The following SH3GL3 variants were observed in gnomAD, a reference collection of about 807,000 sequenced individuals.
The protein encoded by SH3GL3 is endophilin-A3.
A neutral mutation model predicts 47.7 loss-of-function variants in SH3GL3; 33 were observed. The observed-to-expected ratio is 0.69, with a 90% CI of 0.52 to 0.92. SH3GL3 has a LOEUF of 0.92. Among genes scored for constraint, SH3GL3 ranks in the 40% least tolerant of loss-of-function variants. The probability of loss-of-function intolerance (pLI) is 0.00; values close to 1 mark genes in which losing one functional copy is unlikely to be tolerated. For synonymous variants in SH3GL3, 155 were observed against 148.8 expected, an observed-to-expected ratio of 1.04 and a Z score of -0.30; for missense variants, 363 against 417.8, an observed-to-expected ratio of 0.87 and a Z score of 1.14.
At chr15:83,581,234 A>C (rs1254866917) in intron 6 of SH3GL3, among the ~76,000 whole-genome samples, 1 of 152,190 alleles carries the variant, frequency 6.6e-6, no homozygotes, top group Non-Finnish European at 1.5e-5. Flanking sequence ...CAGATGTAGT[A>C]CTTCCTAGGG....
chr15:83,561,045 C>T (rs1361282978), intron 2 of SH3GL3, among the ~76,000 whole-genome samples: 3 of 152,060 alleles, frequency 2.0e-5, no homozygotes, highest in Non-Finnish European at 1.5e-5. Flanking sequence ...AAGTAGACTT[C>T]ACATACCTCT....
chr15:83,552,311 A>G (rs1381600263), intron 1 of SH3GL3, among the ~76,000 whole-genome samples: 2 of 152,254 alleles, frequency 1.3e-5, no homozygotes, highest in African/African-American at 2.4e-5. Flanking sequence ...TTTTGAATAC[A>G]GCTTTAGCTG....
At chr15:83,550,682 G>A (rs1228550535) in intron 1 of SH3GL3, among the ~76,000 whole-genome samples, 1 of 152,154 alleles carries the variant, frequency 6.6e-6, no homozygotes, top group Non-Finnish European at 1.5e-5. Context: ...GAGCCACTGT[G>A]CCCGGCCCTC....
At chr15:83,591,924 T>C (rs1429743954) in intron 8 of SH3GL3, among the ~76,000 whole-genome samples, 13 of 151,750 alleles carry the variant, frequency 8.6e-5, no homozygotes, top group East Asian at 2.0e-4. Flanking sequence ...CCGCCCGCCT[T>C]GGCCTCCCAA....
At chr15:83,489,977 C>T (rs1294724096) in intron 1 of SH3GL3, among the ~76,000 whole-genome samples, 2 of 151,860 alleles carry the variant, frequency 1.3e-5, no homozygotes, top group Non-Finnish European at 2.9e-5. Flanking sequence ...TTTGATAGAT[C>T]AATAGATAGA....
intron 7 of SH3GL3, among the ~76,000 whole-genome samples, chr15:83,587,524 GTA>G (rs1491093003): frequency 1.7e-5 from 1 of 57,870 alleles, no homozygotes; most frequent in African/African-American, 6.1e-5. Context: ...GTAAATATCT[GTA>G]AAAAAAAAAA....
At chr15:83,601,835 T>A (rs1363832646) in intron 8 of SH3GL3, among the ~76,000 whole-genome samples, 1 of 152,006 alleles carries the variant, frequency 6.6e-6, no homozygotes, top group Non-Finnish European at 1.5e-5. Flanking sequence ...CTGGACTTTT[T>A]TTTTTTTGGT....
At chr15:83,628,453 A>T in the SH3GL3 span, among the ~76,000 whole-genome samples, 1 of 152,200 alleles carries the variant, frequency 6.6e-6, no homozygotes, top group Admixed American at 6.5e-5. Flanking sequence ...ACTATAAAGC[A>T]AGAAATGGGC....
At chr15:83,511,986 T>C (rs780971460) in intron 1 of SH3GL3, among the ~76,000 whole-genome samples, 1 of 152,164 alleles carries the variant, frequency 6.6e-6, no homozygotes, top group Non-Finnish European at 1.5e-5. Flanking sequence ...TCACTCTCCA[T>C]GAGTTTTTGC....
At chr15:83,610,012 A>G (rs1237298394) in intron 8 of SH3GL3, among the ~76,000 whole-genome samples, 1 of 152,242 alleles carries the variant, frequency 6.6e-6, no homozygotes, top group African/African-American at 2.4e-5. Flanking sequence ...AGGCTGAAGA[A>G]GGCAGGACAG....
intron 1 of SH3GL3, among the ~76,000 whole-genome samples, chr15:83,525,964 A>G (rs1487096912): frequency 6.6e-6 from 1 of 152,098 alleles, no homozygotes; most frequent in Non-Finnish European, 1.5e-5. Flanking sequence ...TGATGCTTCT[A>G]GCTTTGTTAT....
Position 83,576,737 on chromosome 15 carries a change from A to G in SH3GL3, c.620A>G (p.Asn207Ser). The change falls in exon 6 of 9, where the codon AAT (asparagine) becomes AGT (serine). Residue 207 changes from asparagine (N) to serine (S), a missense_variant. Physicochemically the swap from Asn to Ser is conservative, Grantham distance 46. Coordinates refer to ENST00000427482, the MANE Select transcript of SH3GL3 (RefSeq NM_003027.5). ...AERSMFNFLE[N>S]DVEQVSQLAV... Reference sequence around the variant, plus strand: ...AGAAGCATGTTTAACTTTTTAGAAAATGATGTAAGTATTTAAACCAAATAG... The same window carrying G: ...AGAAGCATGTTTAACTTTTTAGAAAGTGATGTAAGTATTTAAACCAAATAG... 6.3e-7 allele frequency: 1 copy of G among 1,596,248 alleles called. No homozygotes were observed. Among genetic ancestry groups the G allele is most frequent in the Non-Finnish European group, 8.6e-7 (1 of 1,168,760 alleles).
rs145899833 is a variant in SH3GL3, at chr15:83,490,232, A to ATT, written c.45+42655_45+42656dup. 9.1e-3 allele frequency among the ~76,000 whole-genome samples: 1,307 copies of ATT among 143,292 alleles called. 18 individuals carry two copies. Among genetic ancestry groups the ATT allele is most frequent in the African/African-American group, 0.033 (1,254 of 38,026 alleles). 94.0% of individuals were successfully genotyped at this position (143,292 alleles called of 152,430 possible). ...TAAGCTGGCTTCTTTCTGCTGTGGG[A>ATT]TTGTGTTAACACTGCCCCTTTAGTG... On this transcript the variant is annotated intron_variant, in intron 1 of 8. Coordinates refer to ENST00000427482, the MANE Select transcript of SH3GL3 (RefSeq NM_003027.5).
intron 2 of SH3GL3, 83 bp downstream of exon 2, chr15:83,559,404 G>A (rs75100108): frequency 8.6e-6 from 7 of 811,940 alleles, no homozygotes; most frequent in Non-Finnish European, 1.5e-5. Context: ...AAGGATATTC[G>A]AGTGGAAATC....
intron 1 of SH3GL3, among the ~76,000 whole-genome samples, chr15:83,556,190 A>G (rs374613523): frequency 6.6e-6 from 1 of 150,722 alleles, no homozygotes; most frequent in East Asian, 1.9e-4. Context: ...ATCTTTTTTT[A>G]TCTTTCTATC....
intron 1 of SH3GL3, among the ~76,000 whole-genome samples, chr15:83,456,859 A>G (rs1177698033): frequency 1.3e-5 from 2 of 152,222 alleles, no homozygotes; most frequent in Non-Finnish European, 2.9e-5. Context: ...TTTCAAGTGC[A>G]TAGTTAAATA....
At chr15:83,598,123 C>G (rs1026153252) in intron 8 of SH3GL3, among the ~76,000 whole-genome samples, 1 of 152,132 alleles carries the variant, frequency 6.6e-6, no homozygotes, top group Non-Finnish European at 1.5e-5. Flanking sequence ...TTCTGTTTTT[C>G]TGATTGTTTC....
rs1194869037 is a variant in SH3GL3 at position 83,618,480 on chromosome 15, A to G, written c.*193A>G. 1 of 447,050 alleles carries G rather than the reference A, an allele frequency of 2.2e-6. No homozygotes were observed. Among genetic ancestry groups the G allele is most frequent in the Non-Finnish European group, 3.7e-6 (1 of 267,232 alleles). The allele number at this position is 447,050 out of a possible 1,614,324, so 27.7% of individuals were successfully genotyped here. ...ATTTTCTTGTCCTTGCTACATGAAA[A>G]TATTTTCTTTTTTGCTTCCTGTCCT... is the stretch of plus-strand genomic sequence containing the variant. On this transcript the variant is annotated 3_prime_UTR_variant, in exon 9 of 9. Coordinates refer to ENST00000427482, the MANE Select transcript of SH3GL3 (RefSeq NM_003027.5).
At position 83,448,104 on chromosome 15, in the gene SH3GL3, G is replaced by A. The variant is rs1387906879; in HGVS notation, c.45+526G>A. ...AAATGGCCCCGTCTGGACTGTGCCC[G>A]GCTCCCCGGCTGGGGCTCTCTACCG... is the stretch of plus-strand genomic sequence containing the variant. On this transcript the variant is annotated intron_variant, in intron 1 of 8. Transcript: ENST00000427482. This position sits in a 1 kb window ranked among gnomAD's most constrained non-coding sequence, Gnocchi z 4.2. 6.6e-6 allele frequency among the ~76,000 whole-genome samples: 1 copy of A among 152,108 alleles called. No individual in the cohort carries two copies. Among genetic ancestry groups the A allele is most frequent in the Non-Finnish European group, 1.5e-5 (1 of 68,016 alleles).
Sources: allele counts gnomAD v4.1 joint callset (sites outside exome capture counted in the v4.1 genomes callset), GRCh38; gene constraint gnomAD v4.1.1; non-coding constraint Gnocchi (gnomAD v3.1); transcripts MANE v1.5; gene names NCBI Gene and HGNC (gene_info 2026-07-23, HGNC 2026-07-21).